MSL2: variants seen among roughly 807,000 people sequenced by gnomAD.
MSL2 encodes MSL complex subunit 2.
A neutral mutation model predicts 35.8 loss-of-function variants in MSL2; 2 were observed. That is an observed-to-expected ratio of 0.06 (90% CI 0.02 to 0.18). The LOEUF is 0.18. MSL2 is among the 10% of genes least tolerant of loss of function. The probability of loss-of-function intolerance (pLI) is 1.00; values close to 1 mark genes in which losing one functional copy is unlikely to be tolerated. For synonymous variants in MSL2, 296 were observed against 255.7 expected (o/e 1.16, Z -1.50); for missense variants, 523 against 706.7 (o/e 0.74, Z 2.95).
At chr3:136,167,696 T>C (rs1448551033) in intron 1 of MSL2, among the ~76,000 whole-genome samples, 1 of 152,164 alleles carries the variant, frequency 6.6e-6, no homozygotes, top group Non-Finnish European at 1.5e-5. Context: ...ATTAAAACCA[T>C]CATGTCATTT....
At chr3:136,154,769 G>A (rs922592681) in intron 1 of MSL2, among the ~76,000 whole-genome samples, 2 of 152,164 alleles carry the variant, frequency 1.3e-5, no homozygotes, top group Admixed American at 1.3e-4. Context: ...CAGAAAATAA[G>A]GTCTTAAGCT....
Position 136,152,058 on chromosome 3 carries a change from G to A in MSL2, c.823C>T (p.Arg275Cys), listed in dbSNP as rs771996765. 6.2e-7 allele frequency: 1 copy of A among 1,614,052 alleles called. No homozygotes were observed. The highest frequency in any genetic ancestry group is 8.5e-7 in the Non-Finnish European group (1 of 1,180,002). ...GTATTTGAAACAGTTTCTAAGCTGC[G>A]GAGTACTTCCTCAACACTCAGTAAC... ...SLLLSVEEVL[R>C]SLETVSNTEV... The change falls in exon 2 of 2, where the codon CGC becomes TGC. Residue 275 changes from arginine to cysteine, a missense_variant. Physicochemically the swap from Arg to Cys is radical, Grantham distance 180. This residue lies in a region of MSL2 where 361 missense variants were observed against 414.6 expected (regional missense o/e 0.87). Transcript: ENST00000309993.
At chr3:136,153,149 G>T in intron 1 of MSL2, 1 of 733,824 alleles carries the variant, frequency 1.4e-6, no homozygotes, top group Non-Finnish European at 1.7e-6. Flanking sequence ...CTGAGGTGAT[G>T]GCTTGAGCCC....
intron 1 of MSL2, among the ~76,000 whole-genome samples, chr3:136,190,757 T>C (rs1940663690): frequency 6.6e-6 from 1 of 152,120 alleles, no homozygotes; most frequent in African/African-American, 2.4e-5. Flanking sequence ...TCTCATCTTA[T>C]CAAAAGAAAA....
chr3:136,158,081 G>A (rs1443545537), intron 1 of MSL2, among the ~76,000 whole-genome samples: 1 of 152,160 alleles, frequency 6.6e-6, no homozygotes, highest in East Asian at 1.9e-4. Context: ...GGAGGCCAAG[G>A]TGGGCGGATC....
chr3:136,172,828 T>C (rs1335513293), intron 1 of MSL2, among the ~76,000 whole-genome samples: 1 of 152,082 alleles, frequency 6.6e-6, no homozygotes, highest in East Asian at 1.9e-4. Flanking sequence ...TCATTAATCT[T>C]TTCCCCTTTT....
At chr3:136,179,752 T>A (rs1940282511) in intron 1 of MSL2, among the ~76,000 whole-genome samples, 1 of 152,238 alleles carries the variant, frequency 6.6e-6, no homozygotes, top group East Asian at 1.9e-4. Flanking sequence ...AAAATGCATT[T>A]GTTGACATAT....
chr3:136,151,767 C>A lies in MSL2; in HGVS notation c.1114G>T (p.Val372Leu), dbSNP rs1939380076. 3 of 1,614,078 alleles carry A rather than the reference C, an allele frequency of 1.9e-6. No homozygotes were observed. The African/African-American group carries it at 4.0e-5, about 22-fold the overall frequency. ...ATTTTGCTCTCCCGTTTCACTGTCACAGGAGCAGATGCCCCCAGTGTTGGG... is the reference window on the plus strand; with the variant it reads ...ATTTTGCTCTCCCGTTTCACTGTCAAAGGAGCAGATGCCCCCAGTGTTGGG... ...RGPTLGASAP[V>L]TVKRESKISL... is the part of the protein sequence containing the mutation. Residue 372 changes from valine (V) to leucine (L), a missense_variant, in exon 2 of 2, where the codon GTG becomes TTG. Around this residue, in one of 5 missense-constraint regions of MSL2, gnomAD observed 361 missense variants for 414.6 expected, o/e 0.87. Coordinates refer to ENST00000309993, the MANE Select transcript of MSL2 (RefSeq NM_018133.4). The surrounding 1 kb of genome is among the most constrained non-coding windows in gnomAD (Gnocchi z 5.2).
intron 1 of MSL2, among the ~76,000 whole-genome samples, chr3:136,182,601 A>G (rs566539899): frequency 6.6e-6 from 1 of 152,120 alleles, no homozygotes; most frequent in Non-Finnish European, 1.5e-5. Flanking sequence ...CAGAGCTGGA[A>G]GCCAAGGCAG....
intron 1 of MSL2, among the ~76,000 whole-genome samples, chr3:136,180,908 C>T (rs576392312): frequency 3.3e-5 from 5 of 149,980 alleles, no homozygotes; most frequent in Non-Finnish European, 4.4e-5. Flanking sequence ...CTTTGCGGGG[C>T]GGGGGAGCAG....
In MSL2 at chr3:136,156,079, A is replaced by G. The variant is rs1200084315; in HGVS notation, c.143-3341T>C. 5.3e-5 allele frequency: 14 copies of G among 262,028 alleles called. No homozygotes were observed. The Admixed American group carries it at 5.4e-4, about 10-fold the overall frequency. The allele number at this position is 262,028 out of a possible 1,614,324, so 16.2% of individuals were successfully genotyped here. The stretch of plus-strand genomic sequence containing the variant: ...CAAAAAACTACCTTTTTCAAAAGGA[A>G]ATCAGCTATATCTCCACTGTGCTGG... On this transcript the variant is annotated intron_variant, in intron 1 of 1. Coordinates refer to ENST00000309993, the MANE Select transcript of MSL2 (RefSeq NM_018133.4).
chr3:136,160,128 T>C (rs954240148), intron 1 of MSL2, among the ~76,000 whole-genome samples: 3 of 150,724 alleles, frequency 2.0e-5, no homozygotes, highest in Non-Finnish European at 4.4e-5. Context: ...AAAATAAAAT[T>C]AGCTAGGCGT....
intron 1 of MSL2, among the ~76,000 whole-genome samples, chr3:136,187,832 G>A (rs1940565627): frequency 1.3e-5 from 2 of 151,844 alleles, no homozygotes. Context: ...AGATTACAAG[G>A]GCCTGTCCAC....
intron 1 of MSL2, among the ~76,000 whole-genome samples, chr3:136,176,515 C>CAAAA (rs771021498): frequency 1.7e-4 from 9 of 54,116 alleles, no homozygotes; most frequent in East Asian, 1.2e-3. Flanking sequence ...GACCCTCTCT[C>CAAAA]AAAAAAAAAA....
Position 136,195,045 on chromosome 3 carries a change from T to G in MSL2, c.69A>C (p.Gly23=), listed in dbSNP as rs377395169. 4.4e-5 allele frequency: 71 copies of G among 1,614,084 alleles called. 4 individuals carry two copies. The highest frequency in any genetic ancestry group is 2.2e-4 in the Admixed American group (13 of 60,000). The part of the protein sequence containing the change: ...ASRLVLNYDP[G]DPKAFTEINR... ...TAATCTCAGTAAACGCCTTGGGGTC[T>G]CCGGGGTCGTAGTTGAGCACTAGGC... Residue 23 remains glycine, a synonymous_variant, in exon 1 of 2, where the codon GGA becomes GGC. Coordinates refer to ENST00000309993, the MANE Select transcript of MSL2 (RefSeq NM_018133.4).
At chr3:136,155,664 G>A (rs935615675) in intron 1 of MSL2, 95 of 477,846 alleles carry the variant, frequency 2.0e-4, no homozygotes, top group Admixed American at 1.6e-3. Flanking sequence ...GGACAGTAAC[G>A]AGCTAAACAA....
At chr3:136,180,104 G>A (rs1940297835) in intron 1 of MSL2, among the ~76,000 whole-genome samples, 1 of 152,038 alleles carries the variant, frequency 6.6e-6, no homozygotes, top group East Asian at 1.9e-4. Flanking sequence ...GGCATGCCCT[G>A]TTTGTAAACT....
At position 136,196,116 on chromosome 3, in the gene MSL2, C is replaced by G. The variant is rs1940840431; in HGVS notation, c.-1003G>C. On this transcript the variant is annotated 5_prime_UTR_variant, in exon 1 of 2. Coordinates refer to ENST00000309993, the MANE Select transcript of MSL2 (RefSeq NM_018133.4). ...CCCAGCGCACACAGCAAGGCCCCGC[C>G]GCAGGCCCCTCCCCCGTGCCTCGCC... 1 of 154,094 alleles carries G rather than the reference C, an allele frequency of 6.5e-6. No individual in the cohort carries two copies. Among genetic ancestry groups the G allele is most frequent in the Middle Eastern group, 3.3e-3 (1 of 304 alleles). The allele number at this position is 154,094 out of a possible 1,614,324, so 9.5% of individuals were successfully genotyped here. A position where few individuals can be genotyped will look rare whatever the true frequency, so the allele number is the denominator to read the frequency against.
intron 1 of MSL2, among the ~76,000 whole-genome samples, chr3:136,175,724 C>T (rs1376969711): frequency 1.3e-5 from 2 of 152,168 alleles, no homozygotes; most frequent in Non-Finnish European, 2.9e-5. Flanking sequence ...AGGGCCGGAA[C>T]AATAACCGTT....
Sources: gnomAD v4.1 joint callset for allele counts (sites outside exome capture counted in the v4.1 genomes callset) on GRCh38, gnomAD v4.1.1 for gene constraint, gnomAD v4.1.1 regional missense constraint, Gnocchi (gnomAD v3.1) non-coding constraint, MANE v1.5 for transcripts, NCBI Gene and HGNC (gene_info 2026-07-23, HGNC 2026-07-21) for gene names.